PHF8: variants seen among roughly 807,000 people sequenced by gnomAD.
PHF8 encodes the protein histone lysine demethylase PHF8.
In PHF8, 9 loss-of-function variants were observed where a neutral mutation model predicts 74.4. The ratio of observed to expected loss-of-function variants is 0.12; its 90% CI spans 0.07 to 0.21. PHF8 has a LOEUF of 0.21. Among genes scored for constraint, PHF8 ranks in the 10% least tolerant of loss-of-function variants. PHF8 has a pLI of 1.00. For missense variants in PHF8, 478 were observed against 816.6 expected (o/e 0.59, Z 5.05); for synonymous variants, 311 against 316.6 (o/e 0.98, Z 0.19).
intron 18 of PHF8, among the ~76,000 whole-genome samples, chrX:53,965,748 A>G (rs1307692047): frequency 8.9e-6 from 1 of 112,225 alleles, no homozygotes; most frequent in African/African-American, 3.2e-5. Flanking sequence ...AAGTCACTAA[A>G]TAATAGATGA....
Position 53,940,507 on chromosome X carries a change from T to G in PHF8, c.2659A>C (p.Lys887Gln). Residue 887 changes from lysine to glutamine, a missense_variant, in exon 21 of 22, where the codon AAG becomes CAG. By Grantham distance (53) the Lys-to-Gln change is moderately conservative (BLOSUM62 1). Transcript: ENST00000338154. ...AAKLAQQELQ[K>Q]AQKKKYIKKK... is the part of the protein sequence containing the mutation. ...TTGATATATTTCTTCTTTTGGGCCT[T>G]CTGTAGCTCCTGAAACACAAGCCAA... is the stretch of plus-strand genomic sequence containing the variant. The G allele has an allele frequency of 8.4e-7, 1 of 1,193,685 alleles. No individual in the cohort carries two copies. Among genetic ancestry groups the G allele is most frequent in the Non-Finnish European group, 1.1e-6 (1 of 881,014 alleles).
At chrX:53,960,883 G>A (rs946626388) in intron 19 of PHF8, among the ~76,000 whole-genome samples, 1 of 111,094 alleles carries the variant, frequency 9.0e-6, no homozygotes, top group Admixed American at 9.6e-5. Context: ...TGGCGGACTC[G>A]TGGGTGGTTC....
intron 3 of PHF8, 87 bp downstream of exon 3, chrX:54,022,671 C>T: frequency 5.0e-6 from 3 of 600,377 alleles, no homozygotes; most frequent in Non-Finnish European, 8.4e-6. Context: ...CACAAGTGCT[C>T]AGGCAAAAGC....
At chrX:53,955,644 T>C (rs1557088512) in intron 19 of PHF8, among the ~76,000 whole-genome samples, 2 of 107,471 alleles carry the variant, frequency 1.9e-5, no homozygotes, top group African/African-American at 6.8e-5. Flanking sequence ...ATAGCAGTGT[T>C]AGTGGGCACA....
intron 7 of PHF8, 69 bp downstream of exon 7, chrX:54,014,308 G>C (rs782341882): frequency 1.4e-6 from 1 of 738,644 alleles, no homozygotes; most frequent in Non-Finnish European, 2.1e-6. Context: ...AAATGTTTCT[G>C]TGCTGCCATG....
intron 19 of PHF8, among the ~76,000 whole-genome samples, chrX:53,945,954 C>A (rs2064827133): frequency 1.8e-5 from 2 of 112,028 alleles, no homozygotes; most frequent in South Asian, 3.7e-4. Context: ...GCTATGAGTT[C>A]CTGAAGAAGA....
chrX:54,022,131 G>A, intron 4 of PHF8, 128 bp downstream of exon 4: 1 of 499,401 alleles, frequency 2.0e-6, no homozygotes, highest in Non-Finnish European at 3.6e-6. Context: ...GGAATTTGCA[G>A]AGCCCTGAAG....
intron 18 of PHF8, among the ~76,000 whole-genome samples, chrX:53,978,764 C>T (rs1429494275): frequency 9.6e-6 from 1 of 104,136 alleles, no homozygotes; most frequent in Admixed American, 1.0e-4. Context: ...CGCCATTGCC[C>T]TCCAGCCCAG....
At chrX:53,944,096 C>T in intron 20 of PHF8, 38 bp downstream of exon 20, 1 of 860,122 alleles carries the variant, frequency 1.2e-6, no homozygotes, top group Admixed American at 2.2e-5. Context: ...AGTCAAACTG[C>T]TATTAGTTGC....
chrX:54,006,975 T>C (rs1168813349), intron 8 of PHF8, among the ~76,000 whole-genome samples: 5 of 99,526 alleles, frequency 5.0e-5, no homozygotes, highest in African/African-American at 1.5e-4. Context: ...AGGGGCCAAA[T>C]AATCCTGAAA....
At chrX:54,039,711 T>C (rs782685282) in intron 2 of PHF8, 2 of 111,811 alleles carry the variant, frequency 1.8e-5, no homozygotes, top group African/African-American at 3.2e-5. Flanking sequence ...TTTCCTCACA[T>C]TATTTATAAT....
At chrX:53,979,359 G>T (rs1054824421) in intron 18 of PHF8, among the ~76,000 whole-genome samples, 1 of 111,485 alleles carries the variant, frequency 9.0e-6, no homozygotes, top group Non-Finnish European at 1.9e-5. Flanking sequence ...CCCAGCCTGG[G>T]TGACAGAGCG....
chrX:53,987,778 T>A lies in PHF8; in HGVS notation c.1897A>T (p.Ile633Leu). ...ERLGKEKATL[I>L]IRPKFPRKLP... is the part of the protein sequence containing the mutation. ...AACAGACACACACTTGGTCTTATTA[T>A]CAGGGTCGCCTTCTCCTTTCCCAAT... Residue 633 changes from isoleucine (I) to leucine (L), a missense_variant, in exon 15 of 22, where the codon ATA becomes TTA. Physicochemically the swap from Ile to Leu is conservative, Grantham distance 5. Transcript: ENST00000338154. 8.4e-7 allele frequency: 1 copy of A among 1,197,114 alleles called. No homozygotes were observed. The highest frequency in any genetic ancestry group is 1.8e-5 in the South Asian group (1 of 55,094).
At chrX:53,962,992 G>C in intron 18 of PHF8, 53 bp from the exon 19 acceptor site, 1 of 753,585 alleles carries the variant, frequency 1.3e-6, no homozygotes, top group African/African-American at 2.0e-5. Context: ...AAAGGGTGAA[G>C]ATAGAATGAC....
intron 20 of PHF8, chrX:53,942,868 G>C (rs1338476301): frequency 1.3e-6 from 1 of 749,417 alleles, no homozygotes; most frequent in Non-Finnish European, 1.6e-6. Context: ...AGTGCACTAT[G>C]GCTGTATAAA....
chrX:54,043,009 C>A, intron 1 of PHF8, 189 bp from the exon 2 acceptor site: 1 of 506,920 alleles, frequency 2.0e-6, no homozygotes, highest in Non-Finnish European at 2.9e-6. Context: ...CGGAGCTCAA[C>A]CTTCCAGGCT....
chrX:53,938,901 G>C lies in PHF8; in HGVS notation c.*257C>G, dbSNP rs1858792833. 2.1e-6 allele frequency: 2 copies of C among 941,217 alleles called. No individual in the cohort carries two copies. The highest frequency in any genetic ancestry group is 8.8e-5 in the East Asian group (2 of 22,685). 77.6% of individuals were successfully genotyped at this position (941,217 alleles called of 1,213,427 possible). On this transcript the variant is annotated 3_prime_UTR_variant, in exon 22 of 22. Transcript: ENST00000338154. ...GGGAGTGGTTTGGACGAGTAGAAAA[G>C]AGGGTTCTAGTCAGCTGGAAACCTC...
chrX:54,024,869 A>C (rs1299607294), intron 2 of PHF8, among the ~76,000 whole-genome samples: 2 of 109,925 alleles, frequency 1.8e-5, no homozygotes, highest in African/African-American at 6.6e-5. Flanking sequence ...CATTTTTTTA[A>C]ATTTTTATTT....
chrX:53,986,912 C>T (rs1425097021), intron 16 of PHF8, among the ~76,000 whole-genome samples, 166 bp downstream of exon 16: 2 of 111,187 alleles, frequency 1.8e-5, no homozygotes, highest in African/African-American at 6.5e-5. Flanking sequence ...GGCAACAGAG[C>T]GAGGAGACTC....
Sources: allele counts gnomAD v4.1 joint callset (sites outside exome capture counted in the v4.1 genomes callset), GRCh38; gene constraint gnomAD v4.1.1; transcripts MANE v1.5; gene names NCBI Gene and HGNC (gene_info 2026-07-23, HGNC 2026-07-21).